The following DENND4A variants were observed in gnomAD, a reference collection of about 807,000 sequenced individuals.
DENND4A encodes DENN domain containing 4A.
Under a neutral mutation model 199.3 loss-of-function variants are expected in DENND4A, and 70 were observed. That is an observed-to-expected ratio of 0.35 (90% CI 0.29 to 0.43). The LOEUF is 0.43. Among genes scored for constraint, DENND4A ranks in the 20% least tolerant of loss-of-function variants. DENND4A has a pLI of 1.00. For missense variants in DENND4A, 1,723 were observed against 2,255.8 expected (o/e 0.76, Z 4.78); for synonymous variants, 686 against 766.9 (o/e 0.89, Z 1.74).
chr15:65,667,365 A>G, intron 29 of DENND4A, 84 bp downstream of exon 29: 1 of 1,425,856 alleles, frequency 7.0e-7, no homozygotes, highest in Non-Finnish European at 9.6e-7. Context: ...ATAAAAACAG[A>G]CCTTACTTTT....
chr15:65,728,473 CTTTTTTTCTTTTTCT>C (rs1179468191), intron 11 of DENND4A, among the ~76,000 whole-genome samples: 1 of 147,100 alleles, frequency 6.8e-6, no homozygotes, highest in Non-Finnish European at 1.5e-5. Context: ...ATTTCTTTTT[CTTTTTTTCTTTTTCT>C]TTTTTTTTTT....
intron 1 of DENND4A, among the ~76,000 whole-genome samples, chr15:65,786,460 T>C (rs2077569115): frequency 6.6e-6 from 1 of 152,188 alleles, no homozygotes; most frequent in African/African-American, 2.4e-5. Context: ...CCAGGCACAG[T>C]TGCTCATGCC....
chr15:65,661,792 T>C lies in DENND4A; in HGVS notation c.*59A>G. The C allele has an allele frequency of 7.2e-7, 1 of 1,392,080 alleles. No individual in the cohort carries two copies. Among genetic ancestry groups the C allele is most frequent in the Non-Finnish European group, 9.7e-7 (1 of 1,036,000 alleles). The allele number at this position is 1,392,080 out of a possible 1,614,324, so 86.2% of individuals were successfully genotyped here. A position where few individuals can be genotyped will look rare whatever the true frequency, so the allele number is the denominator to read the frequency against. ...AGAAAAAATATTTAGAGTCTAAAAG[T>C]GTTATTTTATACACTGACTATACAA... is the stretch of plus-strand genomic sequence containing the variant. On this transcript the variant is annotated 3_prime_UTR_variant, in exon 33 of 33. Transcript: ENST00000443035.
chr15:65,772,001 T>A (rs2727103), intron 1 of DENND4A: 289,669 of 1,469,114 alleles, frequency 0.2, 36,118 homozygotes, highest in East Asian at 0.7. Context: ...TTTTTATATT[T>A]GTTTATGCGC....
intron 12 of DENND4A, among the ~76,000 whole-genome samples, chr15:65,720,945 GATTATATATATATATATATATAT>G (rs2075604431): frequency 2.1e-5 from 1 of 47,838 alleles, no homozygotes; most frequent in African/African-American, 8.2e-5. Flanking sequence ...CTGTTTCATT[GATTATATATATATATATATATAT>G]ATATATATAT....
At chr15:65,762,652 AC>A (rs1402345797) in intron 1 of DENND4A, among the ~76,000 whole-genome samples, 1 of 152,208 alleles carries the variant, frequency 6.6e-6, no homozygotes, top group Non-Finnish European at 1.5e-5. Flanking sequence ...AATGAATGAT[AC>A]AACAAAAAAT....
At chr15:65,784,006 G>A (rs1361728103) in intron 1 of DENND4A, among the ~76,000 whole-genome samples, 1 of 152,108 alleles carries the variant, frequency 6.6e-6, no homozygotes, top group African/African-American at 2.4e-5. Flanking sequence ...TCAGCCTGGT[G>A]ACCGAGGTTA....
At chr15:65,701,919 AAC>A in intron 17 of DENND4A, 29 bp from the exon 18 acceptor site, 3 of 1,612,708 alleles carry the variant, frequency 1.9e-6, no homozygotes, top group Non-Finnish European at 2.5e-6. Context: ...ATTGTACCGA[AAC>A]ACAGATGTCA....
In DENND4A at chr15:65,788,082, T is replaced by A. The variant is rs78001874; in HGVS notation, c.-102+3928A>T. Among the ~76,000 whole-genome samples, 15 of 145,006 alleles carry A rather than the reference T, an allele frequency of 1.0e-4. No individual in the cohort carries two copies. In the East Asian group the frequency reaches 1.8e-3, roughly 17 times the overall value. On this transcript the variant is annotated intron_variant, in intron 1 of 32. Coordinates refer to ENST00000443035, the MANE Select transcript of DENND4A (RefSeq NM_001320835.1). ...TTAGTGCTGGTTATTTATTTATTTATTTTTTTTTTTTTGAGACAGAGTCTC... is the reference window on the plus strand; with the variant it reads ...TTAGTGCTGGTTATTTATTTATTTAATTTTTTTTTTTTGAGACAGAGTCTC...
chr15:65,700,914 G>A, intron 19 of DENND4A, 137 bp downstream of exon 19: 2 of 1,019,534 alleles, frequency 2.0e-6, no homozygotes, highest in Non-Finnish European at 2.7e-6. Context: ...TTTTAAATGG[G>A]AAGAGTAATA....
intron 2 of DENND4A, among the ~76,000 whole-genome samples, chr15:65,757,266 G>GT (rs930540474): frequency 6.8e-6 from 1 of 147,588 alleles, no homozygotes; most frequent in Non-Finnish European, 1.5e-5. Flanking sequence ...CTGAGATGGG[G>GT]GGGGGGGGGT....
intron 3 of DENND4A, among the ~76,000 whole-genome samples, chr15:65,753,110 T>A (rs1161321405): frequency 6.6e-6 from 1 of 152,132 alleles, no homozygotes; most frequent in African/African-American, 2.4e-5. Context: ...TTCAAATCCA[T>A]CCTTAATCAA....
At position 65,660,679 on chromosome 15, in the gene DENND4A, T is replaced by C. The variant is rs2075822547; in HGVS notation, c.*1172A>G. 2 of 165,580 alleles carry C rather than the reference T, an allele frequency of 1.2e-5. No individual in the cohort carries two copies. The highest frequency in any genetic ancestry group is 1.3e-4 in the Admixed American group (2 of 15,886). The allele number at this position is 165,580 out of a possible 1,614,324, so 10.3% of individuals were successfully genotyped here. On this transcript the variant is annotated 3_prime_UTR_variant, in exon 33 of 33. Coordinates refer to ENST00000443035, the MANE Select transcript of DENND4A (RefSeq NM_001320835.1). ...CAATTTATTGTCTGATTTCTGGATA[T>C]TTCTGTATTTTAGATTCTACAGACT...
chr15:65,746,369 C>CTCTCTCTTTTTTTTT (rs2076392238), intron 4 of DENND4A, among the ~76,000 whole-genome samples: 1 of 51,268 alleles, frequency 2.0e-5, no homozygotes, highest in African/African-American at 7.0e-5. Context: ...ACTTTTTTCT[C>CTCTCTCTTTTTTTTT]TTTTTTTTTT....
chr15:65,728,344 A>T lies in DENND4A; in HGVS notation c.1487+728T>A, dbSNP rs142263463. Reference sequence around the variant, plus strand: ...AATAGTATTATAAAAGACTAGAAATAGGATTGAAATATTAATCAAAGAATG... The same window carrying T: ...AATAGTATTATAAAAGACTAGAAATTGGATTGAAATATTAATCAAAGAATG... On this transcript the variant is annotated intron_variant, in intron 11 of 32. Transcript: ENST00000443035. Among the ~76,000 whole-genome samples the T allele has an allele frequency of 6.6e-5, 10 of 152,306 alleles. No homozygotes were observed. In the East Asian group the frequency reaches 1.9e-3, roughly 29 times the overall value.
intron 4 of DENND4A, among the ~76,000 whole-genome samples, chr15:65,744,805 A>G (rs1186429653): frequency 1.3e-5 from 2 of 152,188 alleles, no homozygotes; most frequent in African/African-American, 2.4e-5. Context: ...CCTTTCAAGA[A>G]TTAAATAAGA....
chr15:65,722,010 T>C (rs1011131466), intron 12 of DENND4A, among the ~76,000 whole-genome samples: 1 of 152,188 alleles, frequency 6.6e-6, no homozygotes, highest in African/African-American at 2.4e-5. Flanking sequence ...ATTGGCAAAC[T>C]TCGATTTTCA....
At chr15:65,741,472 T>C (rs918627102) in intron 5 of DENND4A, among the ~76,000 whole-genome samples, 3 of 152,234 alleles carry the variant, frequency 2.0e-5, no homozygotes, top group Non-Finnish European at 4.4e-5. Context: ...AACTTAAAGA[T>C]AATTGAGATC....
chr15:65,659,284 G>A lies in DENND4A; in HGVS notation c.*2567C>T, dbSNP rs1417437839. 8.0e-6 allele frequency: 1 copy of A among 124,906 alleles called. No homozygotes were observed. Among genetic ancestry groups the A allele is most frequent in the East Asian group, 3.0e-4 (1 of 3,376 alleles). The allele number at this position is 124,906 out of a possible 1,614,324, so 7.7% of individuals were successfully genotyped here. A position where few individuals can be genotyped will look rare whatever the true frequency, so the allele number is the denominator to read the frequency against. On this transcript the variant is annotated 3_prime_UTR_variant, in exon 33 of 33. Transcript: ENST00000443035. Reference sequence around the variant, plus strand: ...ATGGTTAACAGAAAATTGAAGAAAAGTTTGTATAGAGTTATTTTAAATGAT... The same window carrying A: ...ATGGTTAACAGAAAATTGAAGAAAAATTTGTATAGAGTTATTTTAAATGAT...
Sources: gnomAD v4.1 joint callset for allele counts (sites outside exome capture counted in the v4.1 genomes callset) on GRCh38, gnomAD v4.1.1 for gene constraint, MANE v1.5 for transcripts, NCBI Gene and HGNC (gene_info 2026-07-23, HGNC 2026-07-21) for gene names.